Variants in UNC13C observed in about 807,000 individuals in gnomAD.
UNC13C encodes protein unc-13 homolog C.
Under a neutral mutation model 245.4 loss-of-function variants are expected in UNC13C, and 174 were observed. The observed-to-expected ratio is 0.71, with a 90% CI of 0.63 to 0.80. UNC13C has a LOEUF of 0.80. Among genes scored for constraint, UNC13C ranks in the 30% least tolerant of loss-of-function variants. UNC13C has a pLI of 0.00. For missense variants in UNC13C, 2,829 were observed against 2,602.9 expected, an observed-to-expected ratio of 1.09 and a Z score of -1.89; for synonymous variants, 992 against 895.1, an observed-to-expected ratio of 1.11 and a Z score of -1.93.
intron 4 of UNC13C, among the ~76,000 whole-genome samples, chr15:54,212,843 G>C (rs1038223797): frequency 4.6e-5 from 7 of 152,024 alleles, no homozygotes; most frequent in African/African-American, 1.7e-4. Flanking sequence ...CTCAATTTCA[G>C]TTCCAGCAAC....
chr15:53,938,046 A>G, the UNC13C span, among the ~76,000 whole-genome samples: 1 of 152,214 alleles, frequency 6.6e-6, no homozygotes, highest in Non-Finnish European at 1.5e-5. Context: ...TTAACCTTAA[A>G]TGTAAATGGA....
intron 2 of UNC13C, among the ~76,000 whole-genome samples, chr15:54,141,077 T>C (rs2031994639): frequency 6.6e-6 from 1 of 152,192 alleles, no homozygotes; most frequent in Non-Finnish European, 1.5e-5. Flanking sequence ...CAACAGGAGA[T>C]AATGAATATA....
chr15:53,848,300 G>A, the UNC13C span, among the ~76,000 whole-genome samples: 193 of 151,832 alleles, frequency 1.3e-3, 1 homozygote, highest in Non-Finnish European at 2.0e-3. Context: ...TATTGCTTTC[G>A]TCTATAGCTT....
intron 19 of UNC13C, among the ~76,000 whole-genome samples, chr15:54,483,696 C>T (rs550918452): frequency 6.6e-6 from 1 of 152,198 alleles, no homozygotes; most frequent in Non-Finnish European, 1.5e-5. Context: ...GAGTTTCACC[C>T]CGTCTGCCTC....
At chr15:54,416,815 G>A in intron 19 of UNC13C, 2 of 436,186 alleles carry the variant, frequency 4.6e-6, no homozygotes. Context: ...AGCAGTTATT[G>A]GTGCCACCAT....
chr15:54,373,846 G>A (rs2039547555), intron 17 of UNC13C, among the ~76,000 whole-genome samples: 1 of 152,184 alleles, frequency 6.6e-6, no homozygotes, highest in Admixed American at 6.5e-5. Flanking sequence ...CAGGAAGAAT[G>A]AGGTACACCG....
intron 17 of UNC13C, among the ~76,000 whole-genome samples, chr15:54,363,126 G>C (rs1009659979): frequency 6.6e-6 from 1 of 152,204 alleles, no homozygotes; most frequent in African/African-American, 2.4e-5. Context: ...GCTTGTTTTT[G>C]AGACAGAGTT....
chr15:54,210,924 TA>T (rs1567100987), intron 4 of UNC13C, among the ~76,000 whole-genome samples: 2 of 152,152 alleles, frequency 1.3e-5, no homozygotes, highest in Non-Finnish European at 2.9e-5. Flanking sequence ...GGAGACATTA[TA>T]TTTATTACAC....
At chr15:54,497,191 A>T (rs1263457815) in intron 20 of UNC13C, among the ~76,000 whole-genome samples, 1 of 152,128 alleles carries the variant, frequency 6.6e-6, no homozygotes, top group Non-Finnish European at 1.5e-5. Context: ...AGGTAAATAA[A>T]ATTAAACAGC....
chr15:54,562,218 C>T (rs1320848233), intron 29 of UNC13C, among the ~76,000 whole-genome samples: 1 of 152,028 alleles, frequency 6.6e-6, no homozygotes, highest in Non-Finnish European at 1.5e-5. Context: ...CTCCAGCATT[C>T]ACATAGCTCT....
At chr15:54,406,716 A>G (rs1454983911) in intron 18 of UNC13C, among the ~76,000 whole-genome samples, 1 of 152,158 alleles carries the variant, frequency 6.6e-6, no homozygotes, top group Non-Finnish European at 1.5e-5. Context: ...CCTGTCACTA[A>G]TTCTTAATAT....
chr15:53,988,914 A>C (rs77224323), intron 1 of UNC13C, among the ~76,000 whole-genome samples: 160 of 152,120 alleles, frequency 1.1e-3, no homozygotes, highest in African/African-American at 3.8e-3. Flanking sequence ...GTGAATGAAT[A>C]AAGTGTCGGT....
In UNC13C at chr15:54,244,814, AT is replaced by A. The variant is rs202183575; in HGVS notation, c.3229-5409del. On this transcript the variant is annotated intron_variant, in intron 7 of 32. Coordinates refer to ENST00000260323, the MANE Select transcript of UNC13C (RefSeq NM_001080534.3). ...TAGAGATGCTACTCATTTTTTGCAC[AT>A]TGATTTTGTATCCTCAGACTTTGCT... Among the ~76,000 whole-genome samples the A allele has an allele frequency of 8.0e-3, 1,213 of 152,054 alleles. 22 individuals carry two copies. The highest frequency in any genetic ancestry group is 0.01 in the Middle Eastern group (3 of 294).
intron 17 of UNC13C, among the ~76,000 whole-genome samples, chr15:54,338,995 T>C (rs2038661883): frequency 6.6e-6 from 1 of 152,204 alleles, no homozygotes. Flanking sequence ...GGCTCCCCAG[T>C]AGCTGGGATT....
Position 54,129,153 on chromosome 15 carries a change from G to A in UNC13C, c.2984-13865G>A, listed in dbSNP as rs187228630. On this transcript the variant is annotated intron_variant, in intron 2 of 32. Coordinates refer to ENST00000260323, the MANE Select transcript of UNC13C (RefSeq NM_001080534.3). ...GCGTTTAGTGGGAGTAATAGGGAGA[G>A]TAGGTCTATTTTTCCTGGAAGTGGA... is the stretch of plus-strand genomic sequence containing the variant. Among the ~76,000 whole-genome samples the A allele has an allele frequency of 1.1e-4, 17 of 152,294 alleles. No individual in the cohort carries two copies. The East Asian group carries it at 2.9e-3, about 26-fold the overall frequency.
intron 2 of UNC13C, among the ~76,000 whole-genome samples, chr15:54,122,844 A>T (rs1236695398): frequency 6.6e-6 from 1 of 152,094 alleles, no homozygotes; most frequent in Non-Finnish European, 1.5e-5. Context: ...AAATTTGTTT[A>T]TACATTCATG....
At chr15:53,919,964 G>GT in the UNC13C span, among the ~76,000 whole-genome samples, 56 of 148,028 alleles carry the variant, frequency 3.8e-4, 1 homozygote, top group South Asian at 1.9e-3. Context: ...TCCTATCCAT[G>GT]TTTTTTTTTT....
At chr15:54,481,489 G>T (rs760582771) in intron 19 of UNC13C, among the ~76,000 whole-genome samples, 20 of 152,176 alleles carry the variant, frequency 1.3e-4, no homozygotes, top group Non-Finnish European at 1.9e-4. Flanking sequence ...AGGTGTGTGT[G>T]TGTGTACCTG....
chr15:53,882,135 G>A, the UNC13C span, among the ~76,000 whole-genome samples: 1 of 152,108 alleles, frequency 6.6e-6, no homozygotes, highest in African/African-American at 2.4e-5. Context: ...TGCAGTTTAA[G>A]GTACGGAATA....
Sources: allele counts gnomAD v4.1 joint callset (sites outside exome capture counted in the v4.1 genomes callset), GRCh38; gene constraint gnomAD v4.1.1; transcripts MANE v1.5; gene names NCBI Gene and HGNC (gene_info 2026-07-23, HGNC 2026-07-21).